Variants in ARHGAP6 observed in about 807,000 individuals in gnomAD.
ARHGAP6 encodes Rho GTPase activating protein 6.
ARHGAP6 carries 16 observed loss-of-function variants against 55.7 expected under a neutral mutation model. The ratio of observed to expected loss-of-function variants is 0.29; its 90% CI spans 0.19 to 0.44. The LOEUF is 0.44. ARHGAP6 is among the 20% of genes least tolerant of loss of function. ARHGAP6 has a pLI of 1.00. For missense variants in ARHGAP6, 698 were observed against 808.9 expected (o/e 0.86, Z 1.66); for synonymous variants, 382 against 360.9 (o/e 1.06, Z -0.66).
intron 2 of ARHGAP6, among the ~76,000 whole-genome samples, chrX:11,222,570 G>T (rs1055658077): frequency 2.7e-5 from 3 of 112,078 alleles, no homozygotes; most frequent in Non-Finnish European, 5.6e-5. Context: ...GGATAAAAAT[G>T]TCATATAAAA....
At chrX:11,389,396 A>G (rs963079354) in intron 1 of ARHGAP6, among the ~76,000 whole-genome samples, 4 of 112,636 alleles carry the variant, frequency 3.6e-5, no homozygotes, top group Non-Finnish European at 7.5e-5. Context: ...CTTACAGAAA[A>G]TCAAAGCACT....
chrX:11,208,956 G>T (rs1215103143), intron 2 of ARHGAP6, among the ~76,000 whole-genome samples: 1 of 112,094 alleles, frequency 8.9e-6, no homozygotes, highest in African/African-American at 3.2e-5. Context: ...GAAGAATGTT[G>T]ATTGTGTAAA....
At chrX:11,220,680 G>A (rs1283400313) in intron 2 of ARHGAP6, among the ~76,000 whole-genome samples, 1 of 110,421 alleles carries the variant, frequency 9.1e-6, no homozygotes, top group Admixed American at 9.7e-5. Flanking sequence ...GCAAAATCAT[G>A]CCAAAATGTA....
intron 2 of ARHGAP6, among the ~76,000 whole-genome samples, chrX:11,224,001 C>T (rs11795477): frequency 1.8e-5 from 2 of 112,017 alleles, no homozygotes; most frequent in African/African-American, 3.2e-5. Flanking sequence ...TTTCAGCTGC[C>T]ATTACTCCCT....
At chrX:11,496,185 A>G (rs748815760) in intron 1 of ARHGAP6, among the ~76,000 whole-genome samples, 1 of 112,718 alleles carries the variant, frequency 8.9e-6, no homozygotes, top group Admixed American at 9.4e-5. Flanking sequence ...TATTGTCTTA[A>G]GCCACTAAGT....
intron 1 of ARHGAP6, among the ~76,000 whole-genome samples, chrX:11,313,420 G>C (rs2048322717): frequency 8.9e-6 from 1 of 112,089 alleles, no homozygotes; most frequent in African/African-American, 3.2e-5. Flanking sequence ...TCATGGACAA[G>C]GCAAGCTGGG....
chrX:11,191,035 A>T (rs1371673495), intron 3 of ARHGAP6, among the ~76,000 whole-genome samples: 1 of 112,787 alleles, frequency 8.9e-6, no homozygotes, highest in Non-Finnish European at 1.9e-5. Context: ...AACTATGGAT[A>T]ACTTTAAACC....
At chrX:11,174,627 CTTTCTT>C (rs1254488692) in intron 8 of ARHGAP6, among the ~76,000 whole-genome samples, 3 of 10,731 alleles carry the variant, frequency 2.8e-4, no homozygotes, top group Non-Finnish European at 4.9e-4. Context: ...TCTTTCTTTT[CTTTCTT>C]TCTTTCTTTC....
intron 1 of ARHGAP6, among the ~76,000 whole-genome samples, chrX:11,516,074 G>A (rs2050836066): frequency 8.9e-6 from 1 of 112,216 alleles, no homozygotes; most frequent in South Asian, 3.6e-4. Context: ...GTTTCTGGGG[G>A]AACTCTCTCT....
chrX:11,354,351 A>ATATATG (rs1555997434), intron 1 of ARHGAP6, among the ~76,000 whole-genome samples: 1 of 88,263 alleles, frequency 1.1e-5, no homozygotes. Flanking sequence ...ATATATATAT[A>ATATATG]TATATGTTCA....
At chrX:11,572,794 C>G (rs1047043466) in intron 1 of ARHGAP6, among the ~76,000 whole-genome samples, 1 of 111,643 alleles carries the variant, frequency 9.0e-6, no homozygotes, top group South Asian at 3.7e-4. Context: ...AACTAGTTTA[C>G]AGTCCCACCA....
intron 1 of ARHGAP6, among the ~76,000 whole-genome samples, chrX:11,362,422 G>A (rs989311242): frequency 7.3e-5 from 8 of 109,840 alleles, no homozygotes; most frequent in Middle Eastern, 9.3e-3. Flanking sequence ...ACCAAACACC[G>A]CAAGTTCTCA....
chrX:11,305,431 A>G (rs1305079841), intron 1 of ARHGAP6, among the ~76,000 whole-genome samples: 1 of 112,157 alleles, frequency 8.9e-6, no homozygotes, highest in African/African-American at 3.2e-5. Context: ...TAGAATAGTT[A>G]TTTGCTTCTT....
intron 1 of ARHGAP6, among the ~76,000 whole-genome samples, chrX:11,600,610 G>T (rs1298266950): frequency 1.8e-5 from 2 of 112,163 alleles, no homozygotes; most frequent in African/African-American, 6.5e-5. Context: ...GTCCTTGGAA[G>T]AAGCCCTTAC....
At chrX:11,464,609 GAATGTGCC>G (rs1287106326) in intron 1 of ARHGAP6, among the ~76,000 whole-genome samples, 1 of 112,371 alleles carries the variant, frequency 8.9e-6, no homozygotes, top group African/African-American at 3.2e-5. Flanking sequence ...CAAAGCTAAA[GAATGTGCC>G]AATCTCTTCT....
chrX:11,605,164 G>A lies in ARHGAP6; in HGVS notation c.588+59077C>T, dbSNP rs941551183. Among the ~76,000 whole-genome samples the A allele has an allele frequency of 3.6e-5, 4 of 111,642 alleles. No individual in the cohort carries two copies. The East Asian group carries it at 1.1e-3, about 32-fold the overall frequency. On this transcript the variant is annotated intron_variant, in intron 1 of 12. Transcript: ENST00000337414. ...GACAGGAGGAGGGAGGGGGAGAATG[G>A]ACGCAATGTTCTCCATTTGGTCCCT...
intron 1 of ARHGAP6, among the ~76,000 whole-genome samples, chrX:11,600,348 G>A (rs781563268): frequency 8.9e-6 from 1 of 112,102 alleles, no homozygotes; most frequent in Non-Finnish European, 1.9e-5. Flanking sequence ...AAACACTCTC[G>A]CATTCTATTT....
At chrX:11,381,864 T>G (rs2049266930) in intron 1 of ARHGAP6, among the ~76,000 whole-genome samples, 1 of 112,414 alleles carries the variant, frequency 8.9e-6, no homozygotes, top group Non-Finnish European at 1.9e-5. Flanking sequence ...CAACAACTAT[T>G]TTTGATCCTG....
chrX:11,539,814 T>C (rs745490995), intron 1 of ARHGAP6, among the ~76,000 whole-genome samples: 1 of 112,165 alleles, frequency 8.9e-6, no homozygotes, highest in African/African-American at 3.2e-5. Context: ...CCATTAAGCC[T>C]TTAGTTAAGT....
Sources: gnomAD v4.1 joint callset for allele counts (sites outside exome capture counted in the v4.1 genomes callset) on GRCh38, gnomAD v4.1.1 for gene constraint, MANE v1.5 for transcripts, NCBI Gene and HGNC (gene_info 2026-07-23, HGNC 2026-07-21) for gene names.